TNN: variants seen among roughly 807,000 people sequenced by gnomAD.
TNN encodes tenascin N.
In TNN, 122 loss-of-function variants were observed where a neutral mutation model predicts 134.4. That is an observed-to-expected ratio of 0.91 (90% CI 0.78 to 1.06). TNN has a LOEUF of 1.06. Among genes scored for constraint, TNN ranks in the 50% least tolerant of loss-of-function variants. The probability of loss-of-function intolerance (pLI) is 0.00; values close to 1 mark genes in which losing one functional copy is unlikely to be tolerated. For synonymous variants in TNN, 710 were observed against 670.3 expected (o/e 1.06, Z -0.91); for missense variants, 1,739 against 1,699.4 (o/e 1.02, Z -0.41).
chr1:175,136,377 C>T (rs1032110379), intron 16 of TNN, among the ~76,000 whole-genome samples: 2 of 152,136 alleles, frequency 1.3e-5, no homozygotes, highest in African/African-American at 4.8e-5. Context: ...GTGAAATAGC[C>T]AAAAGCATGA....
intron 9 of TNN, among the ~76,000 whole-genome samples, chr1:175,114,000 A>T (rs935589240): frequency 6.6e-6 from 1 of 152,000 alleles, no homozygotes; most frequent in South Asian, 2.1e-4. Flanking sequence ...TTTGAATTTC[A>T]TTAAGTTTCC....
intron 1 of TNN, among the ~76,000 whole-genome samples, chr1:175,074,829 T>A (rs936277863): frequency 1.3e-5 from 2 of 152,250 alleles, no homozygotes; most frequent in African/African-American, 4.8e-5. Context: ...TGTATCTAAC[T>A]GCGCTCATTT....
At position 175,147,281 on chromosome 1, in the gene TNN, G is replaced by C. The variant is rs1408194425; in HGVS notation, c.*210G>C. ...TGAAAATCAAAATAGTAGTTGCACA[G>C]TATGTGTAGGAAAGACAGTACTGGA... On this transcript the variant is annotated 3_prime_UTR_variant, in exon 19 of 19. Transcript: ENST00000239462. 3 of 436,642 alleles carry C rather than the reference G, an allele frequency of 6.9e-6. No individual in the cohort carries two copies. The highest frequency in any genetic ancestry group is 1.2e-5 in the Non-Finnish European group (3 of 251,338). The allele number at this position is 436,642 out of a possible 1,614,324, so 27.0% of individuals were successfully genotyped here.
Position 175,099,594 on chromosome 1 carries a change from GA to G in TNN, c.2119+1000del, listed in dbSNP as rs1674666161. The stretch of plus-strand genomic sequence containing the variant: ...AAGAGGAGAGATGAGGGCTCAGGAG[GA>G]GGAGAGGTGAGGGGTCAGGAGGAGG... On this transcript the variant is annotated intron_variant, in intron 9 of 18. Transcript: ENST00000239462. Among the ~76,000 whole-genome samples, 7 of 47,586 alleles carry G rather than the reference GA, an allele frequency of 1.5e-4. No homozygotes were observed. The East Asian group carries it at 3.1e-3, about 21-fold the overall frequency. 31.2% of individuals were successfully genotyped at this position (47,586 alleles called of 152,430 possible). A position where few individuals can be genotyped will look rare whatever the true frequency, so the allele number is the denominator to read the frequency against.
At chr1:175,092,554 TTTA>T (rs1237603126) in intron 6 of TNN, among the ~76,000 whole-genome samples, 1 of 152,178 alleles carries the variant, frequency 6.6e-6, no homozygotes, top group African/African-American at 2.4e-5. Flanking sequence ...TTATTTATAA[TTTA>T]TTATTATTAT....
At chr1:175,100,236 T>A (rs1674684654) in intron 9 of TNN, among the ~76,000 whole-genome samples, 1 of 152,240 alleles carries the variant, frequency 6.6e-6, no homozygotes, top group Non-Finnish European at 1.5e-5. Flanking sequence ...GAGGTCTATC[T>A]TGTGCATTGT....
intron 10 of TNN, among the ~76,000 whole-genome samples, chr1:175,117,709 A>G (rs550981313): frequency 6.6e-6 from 1 of 152,326 alleles, no homozygotes; most frequent in Admixed American, 6.5e-5. Context: ...TGGTGTAGGT[A>G]TAGAGAATAA....
chr1:175,076,866 A>T (rs1010940433), intron 1 of TNN, among the ~76,000 whole-genome samples: 2 of 152,214 alleles, frequency 1.3e-5, no homozygotes, highest in African/African-American at 2.4e-5. Context: ...TTCAGTTTCC[A>T]TATCTATAAG....
intron 15 of TNN, among the ~76,000 whole-genome samples, chr1:175,133,719 G>C (rs984191438): frequency 5.3e-5 from 8 of 151,922 alleles, no homozygotes; most frequent in South Asian, 2.1e-4. Context: ...CCCTCCTCTG[G>C]GTCCCATGCT....
In TNN at chr1:175,097,679, G is replaced by A. The variant is rs751058824; in HGVS notation, c.1851G>A (p.Pro617=). The A allele has an allele frequency of 1.4e-5, 22 of 1,614,040 alleles. No individual in the cohort carries two copies. Among genetic ancestry groups the A allele is most frequent in the Non-Finnish European group, 1.6e-5 (19 of 1,179,982 alleles). The stretch of plus-strand genomic sequence containing the variant: ...GCAAGAAGGCTGACACCAACGCCCC[G>A]ACAGGTAACAAAAGAGAGATGGTCA... ...RESKKADTNA[P]TDIDSPKNLV... is the part of the protein sequence containing the mutation. Residue 617 remains proline, a synonymous_variant, in exon 8 of 19, where the codon CCG becomes CCA. Transcript: ENST00000239462.
intron 18 of TNN, among the ~76,000 whole-genome samples, chr1:175,145,768 C>T (rs570252849): frequency 6.6e-6 from 1 of 152,020 alleles, no homozygotes; most frequent in African/African-American, 2.4e-5. Flanking sequence ...ACTGTCCCAC[C>T]CGCTATTTCT....
intron 6 of TNN, among the ~76,000 whole-genome samples, chr1:175,088,808 G>T (rs1021227363): frequency 5.9e-5 from 9 of 152,166 alleles, no homozygotes; most frequent in Admixed American, 2.6e-4. Context: ...ATAAGCCATG[G>T]TCCTTTTCCT....
At chr1:175,127,226 G>T in intron 13 of TNN, 141 bp downstream of exon 13, 2 of 1,061,938 alleles carry the variant, frequency 1.9e-6, no homozygotes, top group Non-Finnish European at 2.7e-6. Flanking sequence ...ATCTGCCCCG[G>T]GTTATTTTGT....
At chr1:175,069,191 G>A (rs1673863580) in intron 1 of TNN, among the ~76,000 whole-genome samples, 1 of 152,188 alleles carries the variant, frequency 6.6e-6, no homozygotes, top group South Asian at 2.1e-4. Context: ...AAAAGCTGAG[G>A]TGTCACCAAG....
chr1:175,072,643 C>T (rs1673940854), intron 1 of TNN, among the ~76,000 whole-genome samples: 1 of 152,204 alleles, frequency 6.6e-6, no homozygotes, highest in Admixed American at 6.5e-5. Flanking sequence ...AGCCAGCAGG[C>T]TTCTCTTCTT....
rs1343782852 is a variant in TNN, at chr1:175,093,980, T to C, written c.1325-10T>C. The C allele has an allele frequency of 1.3e-6, 2 of 1,582,662 alleles. No homozygotes were observed. Among genetic ancestry groups the C allele is most frequent in the East Asian group, 2.3e-5 (1 of 44,214 alleles). The stretch of plus-strand genomic sequence containing the variant: ...TCTCTGATTTTTCTTTCTCATGTGT[T>C]TTTATGAAGAAATTGACAGTCCAAC... On this transcript the variant is annotated splice_polypyrimidine_tract_variant and intron_variant, in intron 6 of 18. Transcript: ENST00000239462.
chr1:175,092,492 A>C (rs368131714), intron 6 of TNN, among the ~76,000 whole-genome samples: 1 of 152,188 alleles, frequency 6.6e-6, no homozygotes, highest in African/African-American at 2.4e-5. Flanking sequence ...GTTACTGTCT[A>C]TTACTGCTGC....
chr1:175,104,652 T>C (rs1346322872), intron 9 of TNN, among the ~76,000 whole-genome samples: 1 of 145,388 alleles, frequency 6.9e-6, no homozygotes, highest in Non-Finnish European at 1.5e-5. Flanking sequence ...TGGTCCCTAT[T>C]ATAGAACACC....
intron 15 of TNN, among the ~76,000 whole-genome samples, chr1:175,132,342 T>C (rs1675696106): frequency 1.3e-5 from 2 of 152,218 alleles, no homozygotes; most frequent in African/African-American, 4.8e-5. Context: ...GGATACTCGC[T>C]TTTCTGGACT....
Sources: allele counts gnomAD v4.1 joint callset (sites outside exome capture counted in the v4.1 genomes callset), GRCh38; gene constraint gnomAD v4.1.1; transcripts MANE v1.5; gene names NCBI Gene and HGNC (gene_info 2026-07-23, HGNC 2026-07-21).